The following CACNA1D variants were observed in gnomAD, a reference collection of about 807,000 sequenced individuals.
The protein encoded by CACNA1D is voltage-dependent L-type calcium channel subunit alpha-1D.
A neutral mutation model predicts 257.1 loss-of-function variants in CACNA1D; 55 were observed. The ratio of observed to expected loss-of-function variants is 0.21; its 90% CI spans 0.17 to 0.27. The LOEUF is 0.27. CACNA1D is among the 10% of genes least tolerant of loss of function. The probability of loss-of-function intolerance (pLI) is 1.00; values close to 1 mark genes in which losing one functional copy is unlikely to be tolerated. For missense variants in CACNA1D, 1,876 were observed against 2,784.0 expected, an observed-to-expected ratio of 0.67 and a Z score of 7.34; for synonymous variants, 980 against 1,014.9, an observed-to-expected ratio of 0.97 and a Z score of 0.65.
chr3:53,522,397 A>G (rs2091613330), intron 3 of CACNA1D, among the ~76,000 whole-genome samples: 1 of 152,094 alleles, frequency 6.6e-6, no homozygotes, highest in Non-Finnish European at 1.5e-5. Context: ...CCCAGACTAG[A>G]TGGTCTGTGG....
chr3:53,800,896 C>A lies in CACNA1D; in HGVS notation c.5041-162C>A. 1.4e-6 allele frequency: 1 copy of A among 709,316 alleles called. No individual in the cohort carries two copies. Among genetic ancestry groups the A allele is most frequent in the Admixed American group, 2.1e-5 (1 of 47,122 alleles). 43.9% of individuals were successfully genotyped at this position (709,316 alleles called of 1,614,324 possible). A position where few individuals can be genotyped will look rare whatever the true frequency, so the allele number is the denominator to read the frequency against. The stretch of plus-strand genomic sequence containing the variant: ...CATCTCGGGGGGACCAACTGCCACA[C>A]AGTCACATTCACCCTGATCATTGAG... On this transcript the variant is annotated intron_variant, in intron 41 of 47. Transcript: ENST00000350061. The surrounding 1 kb of genome is among the most constrained non-coding windows in gnomAD (Gnocchi z 4.3).
Position 53,800,163 on chromosome 3 carries a change from G to C in CACNA1D, c.4924-86G>C. ...TGGGGAAGCCTTCCTCCCCACCGCT[G>C]AATCAGGAAGGAGCAAAGCCAGGAC... On this transcript the variant is annotated intron_variant, in intron 40 of 47. Coordinates refer to ENST00000350061, the MANE Select transcript of CACNA1D (RefSeq NM_001128840.3). The surrounding 1 kb of genome is among the most constrained non-coding windows in gnomAD (Gnocchi z 4.3). 1.0e-6 allele frequency: 1 copy of C among 953,506 alleles called. No homozygotes were observed. 59.1% of individuals were successfully genotyped at this position (953,506 alleles called of 1,614,324 possible). A position where few individuals can be genotyped will look rare whatever the true frequency, so the allele number is the denominator to read the frequency against.
In CACNA1D at chr3:53,672,889, GC is replaced by G. The variant is rs546684972; in HGVS notation, c.1117-133del. ...GTTGGCTGCTGTTGTCTCTGATTTG[GC>G]TACTGTTGTTTCTGATTTAAATCTA... On this transcript the variant is annotated intron_variant, in intron 7 of 47. Coordinates refer to ENST00000350061, the MANE Select transcript of CACNA1D (RefSeq NM_001128840.3). The G allele has an allele frequency of 3.9e-4, 207 of 527,882 alleles. 2 individuals carry two copies. The highest frequency in any genetic ancestry group is 3.6e-3 in the South Asian group (204 of 56,458). The allele number at this position is 527,882 out of a possible 1,614,324, so 32.7% of individuals were successfully genotyped here. A position where few individuals can be genotyped will look rare whatever the true frequency, so the allele number is the denominator to read the frequency against.
At chr3:53,498,013 A>G (rs1190241277) in intron 2 of CACNA1D, among the ~76,000 whole-genome samples, 1 of 152,240 alleles carries the variant, frequency 6.6e-6, no homozygotes, top group African/African-American at 2.4e-5. Context: ...AGCTGCAGAT[A>G]TGAGCACATG....
At chr3:53,544,322 T>A (rs1559818035) in intron 3 of CACNA1D, among the ~76,000 whole-genome samples, 1 of 151,970 alleles carries the variant, frequency 6.6e-6, no homozygotes, top group Non-Finnish European at 1.5e-5. Flanking sequence ...TATAGTACAA[T>A]ATGGACAAAT....
intron 3 of CACNA1D, among the ~76,000 whole-genome samples, chr3:53,636,977 A>G (rs2108165912): frequency 6.6e-6 from 1 of 152,360 alleles, no homozygotes; most frequent in Non-Finnish European, 1.5e-5. Context: ...CTTATTAATA[A>G]AGACATGTCT....
chr3:53,519,059 C>T (rs3774423), intron 3 of CACNA1D, among the ~76,000 whole-genome samples: 12,254 of 152,222 alleles, frequency 0.081, 659 homozygotes, highest in African/African-American at 0.15. Context: ...TACTCCTGGC[C>T]AATGCCTGAT....
At chr3:53,640,994 G>C (rs1402955669) in intron 3 of CACNA1D, among the ~76,000 whole-genome samples, 1 of 139,166 alleles carries the variant, frequency 7.2e-6, no homozygotes, top group East Asian at 1.9e-4. Context: ...CCCTTAAAGG[G>C]TGAAGCAGGA....
chr3:53,507,060 A>ATG (rs2107191581), intron 3 of CACNA1D, among the ~76,000 whole-genome samples: 1 of 134,936 alleles, frequency 7.4e-6, no homozygotes. Context: ...GTGACAGAGC[A>ATG]AGACTCTATC....
rs568327393 is a variant in CACNA1D, at chr3:53,793,675, C to T, written c.4924-6574C>T. Among the ~76,000 whole-genome samples, 71 of 152,344 alleles carry T rather than the reference C, an allele frequency of 4.7e-4. No individual in the cohort carries two copies. Among genetic ancestry groups the T allele is most frequent in the African/African-American group, 1.6e-3 (67 of 41,580 alleles). Reference sequence around the variant, plus strand: ...GCCTGGCTGTGTTGCTGGGGAATGGCATTGGCTAAGGTTGGTAGCCAAGGC... The same window carrying T: ...GCCTGGCTGTGTTGCTGGGGAATGGTATTGGCTAAGGTTGGTAGCCAAGGC... On this transcript the variant is annotated intron_variant, in intron 40 of 47. Transcript: ENST00000350061. The surrounding 1 kb of genome is among the most constrained non-coding windows in gnomAD (Gnocchi z 4.1).
intron 3 of CACNA1D, among the ~76,000 whole-genome samples, chr3:53,525,595 A>G (rs906746557): frequency 1.3e-5 from 2 of 151,922 alleles, no homozygotes; most frequent in Non-Finnish European, 2.9e-5. Flanking sequence ...GGTTTTTGTT[A>G]TTTTCTGCTT....
At chr3:53,772,761 T>A in intron 32 of CACNA1D, 72 bp from the exon 33 acceptor site, 2 of 1,084,492 alleles carry the variant, frequency 1.8e-6, no homozygotes, top group East Asian at 2.4e-5. Flanking sequence ...CACTCATGGG[T>A]CTTCTCAGGC....
chr3:53,753,188 A>G (rs147624329), intron 28 of CACNA1D, among the ~76,000 whole-genome samples: 27 of 152,360 alleles, frequency 1.8e-4, no homozygotes, highest in African/African-American at 5.8e-4. Flanking sequence ...CTTTTATTCA[A>G]CATAAACTTA....
chr3:53,495,288 C>G lies in CACNA1D; in HGVS notation c.67+55C>G. 1 of 1,605,798 alleles carries G rather than the reference C, an allele frequency of 6.2e-7. No homozygotes were observed. Among genetic ancestry groups the G allele is most frequent in the Admixed American group, 1.7e-5 (1 of 60,002 alleles). On this transcript the variant is annotated intron_variant, in intron 1 of 47. Transcript: ENST00000350061. The surrounding 1 kb of genome is among the most constrained non-coding windows in gnomAD (Gnocchi z 5.1). ...CCAAATCCGATCCTGTCATGGTCCTCCAGCCCCCTCCCCCTTCCCCGCGGC... is the reference window on the plus strand; with the variant it reads ...CCAAATCCGATCCTGTCATGGTCCTGCAGCCCCCTCCCCCTTCCCCGCGGC...
intron 3 of CACNA1D, among the ~76,000 whole-genome samples, chr3:53,521,776 G>A (rs2091587421): frequency 6.6e-6 from 1 of 151,804 alleles, no homozygotes; most frequent in Non-Finnish European, 1.5e-5. Context: ...CTGGCCACAT[G>A]TCATTATAAG....
At chr3:53,590,285 G>A (rs988786639) in intron 3 of CACNA1D, among the ~76,000 whole-genome samples, 3 of 152,178 alleles carry the variant, frequency 2.0e-5, no homozygotes, top group Admixed American at 6.5e-5. Context: ...CCCTCACTTC[G>A]TCTATTACTT....
chr3:53,663,937 TGTA>T (rs2094233117), intron 5 of CACNA1D, among the ~76,000 whole-genome samples: 1 of 152,084 alleles, frequency 6.6e-6, no homozygotes, highest in Non-Finnish European at 1.5e-5. Context: ...AACTAATTTT[TGTA>T]TTTTTGGTAG....
intron 29 of CACNA1D, among the ~76,000 whole-genome samples, chr3:53,754,084 T>G (rs181705650): frequency 5.9e-5 from 9 of 152,384 alleles, no homozygotes; most frequent in Non-Finnish European, 1.5e-5. Context: ...TTCAGATATC[T>G]AGTCTAAAGA....
At chr3:53,680,735 G>A (rs1458086727) in intron 8 of CACNA1D, among the ~76,000 whole-genome samples, 1 of 152,196 alleles carries the variant, frequency 6.6e-6, no homozygotes, top group East Asian at 1.9e-4. Flanking sequence ...CTTTTACAAT[G>A]AAAAGGATAT....
Sources: allele counts gnomAD v4.1 joint callset (sites outside exome capture counted in the v4.1 genomes callset), GRCh38; gene constraint gnomAD v4.1.1; non-coding constraint Gnocchi (gnomAD v3.1); transcripts MANE v1.5; gene names NCBI Gene and HGNC (gene_info 2026-07-23, HGNC 2026-07-21).